Variants in LIMD1 observed in about 807,000 individuals in gnomAD.
LIMD1 encodes LIM domain-containing protein 1.
Under a neutral mutation model 58.4 loss-of-function variants are expected in LIMD1, and 23 were observed. The ratio of observed to expected loss-of-function variants is 0.39; its 90% CI spans 0.28 to 0.56. The LOEUF is 0.56. Among genes scored for constraint, LIMD1 ranks in the 20% least tolerant of loss-of-function variants. LIMD1 has a pLI of 0.57. For missense variants in LIMD1, 838 were observed against 855.5 expected, an observed-to-expected ratio of 0.98 and a Z score of 0.25; for synonymous variants, 334 against 345.5, an observed-to-expected ratio of 0.97 and a Z score of 0.37.
rs374878589 is a variant in LIMD1, at chr3:45,672,700, C to T, written c.1652C>T (p.Ala551Val). The T allele has an allele frequency of 3.1e-6, 5 of 1,613,840 alleles. No homozygotes were observed. Among genetic ancestry groups the T allele is most frequent in the Non-Finnish European group, 4.2e-6 (5 of 1,179,910 alleles). Reference protein sequence around the residue: ...GHLIMDMILQALGKSYHPGCF... With the variant: ...GHLIMDMILQVLGKSYHPGCF... ...TGGTCTCTGCTCCAGATCCTGCAAG[C>T]CCTGGGGAAGTCCTACCACCCCGGC... is the stretch of plus-strand genomic sequence containing the variant. Residue 551 changes from alanine (A) to valine (V), a missense_variant, in exon 5 of 8, where the codon GCC becomes GTC. Physicochemically the swap from Ala to Val is moderately conservative, Grantham distance 64. Around this residue, in one of 3 missense-constraint regions of LIMD1, gnomAD observed 174 missense variants for 197.4 expected, o/e 0.88. Coordinates refer to ENST00000273317, the MANE Select transcript of LIMD1 (RefSeq NM_014240.3).
At chr3:45,648,870 C>T (rs1292737512) in intron 2 of LIMD1, among the ~76,000 whole-genome samples, 8 of 152,048 alleles carry the variant, frequency 5.3e-5, no homozygotes, top group African/African-American at 1.9e-4. Flanking sequence ...ATTGGTATGT[C>T]TTATTTGGAA....
chr3:45,676,907 T>C lies in LIMD1; in HGVS notation c.1894-15T>C. 1 of 1,613,964 alleles carries C rather than the reference T, an allele frequency of 6.2e-7. No individual in the cohort carries two copies. The highest frequency in any genetic ancestry group is 8.5e-7 in the Non-Finnish European group (1 of 1,179,856). On this transcript the variant is annotated splice_polypyrimidine_tract_variant and intron_variant, in intron 7 of 7. Transcript: ENST00000273317. ...TTTTGTTTTGCTTCCCCTGGACATG[T>C]CTGCCTCCCCACAGGACTGTGGTCT... is the stretch of plus-strand genomic sequence containing the variant.
At chr3:45,658,168 T>C (rs1199669391) in intron 2 of LIMD1, among the ~76,000 whole-genome samples, 2 of 152,214 alleles carry the variant, frequency 1.3e-5, no homozygotes, top group African/African-American at 4.8e-5. Flanking sequence ...AACAAATATA[T>C]TTTGATACAC....
In LIMD1 at chr3:45,595,114, A is replaced by G. The variant is rs755678267; in HGVS notation, c.235A>G (p.Asn79Asp). 9.3e-6 allele frequency: 15 copies of G among 1,609,322 alleles called. No individual in the cohort carries two copies. The highest frequency in any genetic ancestry group is 1.7e-5 in the Admixed American group (1 of 59,672). ...TLPRGSRGPV[N>D]GGGRLGPQAR... is the part of the protein sequence containing the mutation. ...GCCCAGGGGGAGTAGAGGCCCTGTCAATGGAGGGGGCCGCCTGGGCCCACA... is the reference window on the plus strand; with the variant it reads ...GCCCAGGGGGAGTAGAGGCCCTGTCGATGGAGGGGGCCGCCTGGGCCCACA... Residue 79 changes from asparagine (N) to aspartate (D), a missense_variant, in exon 1 of 8, where the codon AAT (asparagine) becomes GAT (aspartate). Physicochemically the swap from Asn to Asp is conservative, Grantham distance 23. Transcript: ENST00000273317.
intron 4 of LIMD1, among the ~76,000 whole-genome samples, chr3:45,671,026 G>T (rs1697580499): frequency 6.6e-6 from 1 of 152,186 alleles, no homozygotes; most frequent in African/African-American, 2.4e-5. Flanking sequence ...GCACAATGTG[G>T]ATTAAATTAA....
chr3:45,649,709 CATAT>C (rs200476222), intron 2 of LIMD1, among the ~76,000 whole-genome samples: 3,447 of 135,164 alleles, frequency 0.026, 55 homozygotes, highest in Non-Finnish European at 0.041. Context: ...TATATGTATA[CATAT>C]ATATATATAA....
At position 45,668,353 on chromosome 3, in the gene LIMD1, C is replaced by A; in HGVS notation, c.1638C>A (p.Asp546Glu). ...TTCTTTGTGGACATCTGATCATGGA[C>A]ATGGTGAGTAGGTCAGCCAAAGAAG... ...RCFLCGHLIM[D>E]MILQALGKSY... The change falls in exon 4 of 8, where the codon GAC (aspartate) becomes GAA (glutamate). Residue 546 changes from aspartate (D) to glutamate (E), a missense_variant. By Grantham distance (45) the Asp-to-Glu change is conservative. Coordinates refer to ENST00000273317, the MANE Select transcript of LIMD1 (RefSeq NM_014240.3). 6.2e-7 allele frequency: 1 copy of A among 1,611,906 alleles called. No homozygotes were observed. Among genetic ancestry groups the A allele is most frequent in the East Asian group, 2.2e-5 (1 of 44,874 alleles).
chr3:45,645,204 A>G (rs1360579149), intron 2 of LIMD1, among the ~76,000 whole-genome samples: 2 of 152,064 alleles, frequency 1.3e-5, no homozygotes, highest in African/African-American at 4.8e-5. Flanking sequence ...TTGGTTATCA[A>G]AGGGTCTCTT....
intron 7 of LIMD1, 144 bp from the exon 8 acceptor site, chr3:45,676,778 G>A: frequency 2.5e-6 from 2 of 784,854 alleles, no homozygotes; most frequent in African/African-American, 1.7e-5. Flanking sequence ...CCTCCACGGG[G>A]CAGGAGCTGT....
chr3:45,606,351 A>G (rs1644983521), intron 1 of LIMD1, among the ~76,000 whole-genome samples: 1 of 152,186 alleles, frequency 6.6e-6, no homozygotes, highest in South Asian at 2.1e-4. Context: ...TTCAGGGGCT[A>G]CTGTGGCTAG....
At chr3:45,609,447 A>T (rs1701502458) in intron 1 of LIMD1, among the ~76,000 whole-genome samples, 1 of 152,160 alleles carries the variant, frequency 6.6e-6, no homozygotes, top group Non-Finnish European at 1.5e-5. Flanking sequence ...GGGCTCAAGC[A>T]GTCCTCTTGC....
At chr3:45,596,403 G>T in intron 1 of LIMD1, 116 bp downstream of exon 1, 2 of 815,626 alleles carry the variant, frequency 2.5e-6, no homozygotes, top group Non-Finnish European at 1.9e-6. Flanking sequence ...TGAGTGGCCT[G>T]TTTTTTTATT....
At chr3:45,660,663 G>A (rs1697422957) in intron 2 of LIMD1, among the ~76,000 whole-genome samples, 1 of 152,112 alleles carries the variant, frequency 6.6e-6, no homozygotes, top group Non-Finnish European at 1.5e-5. Flanking sequence ...TGGTCCAACA[G>A]CCTCAGCCTC....
rs1559510538 is a variant in LIMD1, at chr3:45,594,793, A to ACACACACACACACACACACACACAC, written c.-86_-62dup. 359 of 98,120 alleles carry ACACACACACACACACACACACACAC rather than the reference A, an allele frequency of 3.7e-3. 10 individuals are homozygous for ACACACACACACACACACACACACAC. The East Asian group carries it at 0.076, about 21-fold the overall frequency. 6.1% of individuals were successfully genotyped at this position (98,120 alleles called of 1,614,324 possible). A position where few individuals can be genotyped will look rare whatever the true frequency, so the allele number is the denominator to read the frequency against. ...CGCTGCCCTCAACACACACACACACACACACACACACACACACACACACAC... is the reference window on the plus strand; with the variant it reads ...CGCTGCCCTCAACACACACACACACACACACACACACACACACACACACACCACACACACACACACACACACACAC... On this transcript the variant is annotated 5_prime_UTR_variant, in exon 1 of 8. Coordinates refer to ENST00000273317, the MANE Select transcript of LIMD1 (RefSeq NM_014240.3).
In LIMD1 at chr3:45,677,208, TA is replaced by T; in HGVS notation, c.*151del. ...GAGCATGTGGGGGGTGCCTTTCCTT[TA>T]ACCAGGGAGGTGAACACTACCTGCC... On this transcript the variant is annotated 3_prime_UTR_variant, in exon 8 of 8. Coordinates refer to ENST00000273317, the MANE Select transcript of LIMD1 (RefSeq NM_014240.3). 1 of 812,116 alleles carries T rather than the reference TA, an allele frequency of 1.2e-6. No homozygotes were observed. Among genetic ancestry groups the T allele is most frequent in the African/African-American group, 1.7e-5 (1 of 58,332 alleles). The allele number at this position is 812,116 out of a possible 1,614,324, so 50.3% of individuals were successfully genotyped here.
At chr3:45,654,920 A>C (rs1575361367) in intron 2 of LIMD1, among the ~76,000 whole-genome samples, 1 of 140,602 alleles carries the variant, frequency 7.1e-6, no homozygotes, top group African/African-American at 2.6e-5. Context: ...TTATCAGTCA[A>C]TTTTTTTTTT....
chr3:45,659,604 GCTATCCCCAAACATATATA>G (rs1159626406), intron 2 of LIMD1, among the ~76,000 whole-genome samples: 5 of 139,752 alleles, frequency 3.6e-5, no homozygotes, highest in African/African-American at 1.4e-4. Flanking sequence ...ATATATATAT[GCTATCCCCAAACATATATA>G]TATGCTATAT....
At chr3:45,631,971 G>A (rs188586050) in intron 1 of LIMD1, among the ~76,000 whole-genome samples, 70 of 152,290 alleles carry the variant, frequency 4.6e-4, no homozygotes, top group African/African-American at 1.6e-3. Flanking sequence ...TCATGCTGTG[G>A]GTGGTGGAAA....
chr3:45,596,498 CT>C (rs1701354258), intron 1 of LIMD1, among the ~76,000 whole-genome samples: 1 of 152,138 alleles, frequency 6.6e-6, no homozygotes, highest in African/African-American at 2.4e-5. Context: ...GACCTTGCAG[CT>C]GGGGTTACCC....
Sources: allele counts gnomAD v4.1 joint callset (sites outside exome capture counted in the v4.1 genomes callset), GRCh38; gene constraint gnomAD v4.1.1; regional missense constraint gnomAD v4.1.1; transcripts MANE v1.5; gene names NCBI Gene and HGNC (gene_info 2026-07-23, HGNC 2026-07-21).